The following KAZN variants were observed in gnomAD, a reference collection of about 807,000 sequenced individuals.
The protein encoded by KAZN is kazrin.
Under a neutral mutation model 87.4 loss-of-function variants are expected in KAZN, and 40 were observed. The ratio of observed to expected loss-of-function variants is 0.46; its 90% CI spans 0.36 to 0.60. KAZN has a LOEUF of 0.60. KAZN is among the 20% of genes least tolerant of loss of function. The pLI, the probability that KAZN is intolerant of heterozygous loss-of-function variation, is 0.00. For synonymous variants in KAZN, 466 were observed against 458.3 expected, an observed-to-expected ratio of 1.02 and a Z score of -0.22; for missense variants, 898 against 1,073.9, an observed-to-expected ratio of 0.84 and a Z score of 2.29.
intron 2 of KAZN, among the ~76,000 whole-genome samples, chr1:14,188,188 G>C (rs1646348521): frequency 7.8e-6 from 1 of 128,816 alleles, no homozygotes; most frequent in Admixed American, 8.0e-5. Context: ...GAGAGAGAGA[G>C]AGGAGCGTGT....
chr1:14,818,981 G>A (rs1329893348), intron 1 of KAZN, among the ~76,000 whole-genome samples: 1 of 152,154 alleles, frequency 6.6e-6, no homozygotes, highest in Non-Finnish European at 1.5e-5. Context: ...CTTGAATCTG[G>A]GAGGCAAACG....
chr1:14,963,611 T>G (rs72869227), intron 2 of KAZN, among the ~76,000 whole-genome samples: 464 of 152,294 alleles, frequency 3.0e-3, no homozygotes, highest in African/African-American at 0.01. Flanking sequence ...GATGCATTTT[T>G]TTGTTGTTGT....
intron 10 of KAZN, among the ~76,000 whole-genome samples, chr1:15,098,154 G>A (rs187347861): frequency 5.9e-5 from 9 of 152,346 alleles, no homozygotes; most frequent in East Asian, 3.9e-4. Flanking sequence ...CCCGTTTTCC[G>A]TGCTGCGCCG....
chr1:14,919,755 G>A (rs1027424937), intron 1 of KAZN, among the ~76,000 whole-genome samples: 2 of 152,176 alleles, frequency 1.3e-5, no homozygotes, highest in Non-Finnish European at 2.9e-5. Context: ...TGATGGTCCC[G>A]TAAGATTATA....
intron 1 of KAZN, among the ~76,000 whole-genome samples, chr1:14,868,579 T>C (rs572597743): frequency 1.3e-5 from 2 of 151,914 alleles, no homozygotes; most frequent in Admixed American, 6.6e-5. Context: ...CTGGGTGAAC[T>C]GGAGTCTTGT....
intron 2 of KAZN, among the ~76,000 whole-genome samples, chr1:14,203,820 A>G (rs140182580): frequency 1.4e-3 from 214 of 152,346 alleles, no homozygotes; most frequent in African/African-American, 4.9e-3. Context: ...ATCTTTCAGT[A>G]CAATCCATTT....
chr1:14,032,862 T>C (rs1335516743), intron 1 of KAZN, among the ~76,000 whole-genome samples: 1 of 152,140 alleles, frequency 6.6e-6, no homozygotes, highest in Non-Finnish European at 1.5e-5. Flanking sequence ...AGGAATCATT[T>C]CATTACATTC....
chr1:15,020,412 C>T lies in KAZN; in HGVS notation c.419-14337C>T, dbSNP rs1670548178. On this transcript the variant is annotated intron_variant, in intron 2 of 14. Coordinates refer to ENST00000376030, the MANE Select transcript of KAZN (RefSeq NM_201628.3). ...GGACCTCATTCGCTTCCCAGAAGCC[C>T]TCCTGTGCACCTTTCTTGCCACTAT... Among the ~76,000 whole-genome samples the T allele has an allele frequency of 2.6e-5, 4 of 152,166 alleles. No individual in the cohort carries two copies. In the South Asian group the frequency reaches 8.3e-4, roughly 32 times the overall value.
At chr1:14,986,022 A>G (rs1253529497) in intron 2 of KAZN, among the ~76,000 whole-genome samples, 1 of 151,102 alleles carries the variant, frequency 6.6e-6, no homozygotes, top group Non-Finnish European at 1.5e-5. Context: ...AAAAAAAAAA[A>G]AAGGAAAGAA....
chr1:14,371,979 A>G (rs769945163), intron 2 of KAZN, among the ~76,000 whole-genome samples: 2 of 152,228 alleles, frequency 1.3e-5, no homozygotes, highest in Admixed American at 1.3e-4. Flanking sequence ...CTGGCAGAGA[A>G]TCTTTCTGCA....
At chr1:13,910,427 G>C (rs934010548) in intron 1 of KAZN, among the ~76,000 whole-genome samples, 2 of 152,020 alleles carry the variant, frequency 1.3e-5, no homozygotes, top group Admixed American at 6.5e-5. Flanking sequence ...AGAATCGTCT[G>C]AACCAGGGAG....
intron 1 of KAZN, among the ~76,000 whole-genome samples, chr1:14,756,545 A>G (rs1028589841): frequency 6.6e-6 from 1 of 152,222 alleles, no homozygotes; most frequent in Non-Finnish European, 1.5e-5. Context: ...CTTCCTTATC[A>G]ATTGATTTCT....
chr1:14,101,582 T>A (rs2101645665), intron 1 of KAZN, among the ~76,000 whole-genome samples: 1 of 152,316 alleles, frequency 6.6e-6, no homozygotes, highest in Admixed American at 6.5e-5. Flanking sequence ...GTGTCGTGGA[T>A]CATTTCTAGT....
At chr1:14,174,485 C>A (rs1489048216) in intron 1 of KAZN, among the ~76,000 whole-genome samples, 1 of 152,056 alleles carries the variant, frequency 6.6e-6, no homozygotes, top group Admixed American at 6.5e-5. Flanking sequence ...AGCAGTTTTG[C>A]GGATTATACA....
At chr1:14,274,775 A>C (rs1167537830) in intron 2 of KAZN, among the ~76,000 whole-genome samples, 2 of 152,196 alleles carry the variant, frequency 1.3e-5, no homozygotes, top group Non-Finnish European at 2.9e-5. Context: ...ACAGAGTGAT[A>C]ATACACACAT....
intron 14 of KAZN, 46 bp downstream of exon 14, chr1:15,112,587 A>AAGGTCTTTTTTTCTTCTCCCAGCGGC (rs1553192527): frequency 3.2e-5 from 41 of 1,293,746 alleles, no homozygotes; most frequent in Middle Eastern, 1.9e-4. Context: ...AGACCCGGGA[A>AAGGTCTTTTTTTCTTCTCCCAGCGGC]AGGTCTTTTT....
chr1:14,985,228 C>T (rs1666669115), intron 2 of KAZN, among the ~76,000 whole-genome samples: 2 of 127,730 alleles, frequency 1.6e-5, no homozygotes, highest in African/African-American at 3.5e-5. Context: ...TGGCTCACGC[C>T]TATAATCCCA....
At chr1:14,896,483 G>T (rs1488093585) in intron 1 of KAZN, among the ~76,000 whole-genome samples, 9 of 152,218 alleles carry the variant, frequency 5.9e-5, no homozygotes. Context: ...GTGCTAGCCA[G>T]ACAAATGGGA....
chr1:13,978,466 GA>G (rs1219096303), intron 1 of KAZN, among the ~76,000 whole-genome samples: 2 of 147,046 alleles, frequency 1.4e-5, no homozygotes, highest in Non-Finnish European at 3.0e-5. Context: ...TAAAAAAGCA[GA>G]ATATATAGGT....
Sources: allele counts gnomAD v4.1 joint callset (sites outside exome capture counted in the v4.1 genomes callset), GRCh38; gene constraint gnomAD v4.1.1; transcripts MANE v1.5; gene names NCBI Gene and HGNC (gene_info 2026-07-23, HGNC 2026-07-21).